RNF103: variants seen among roughly 807,000 people sequenced by gnomAD.
RNF103 encodes ring finger protein 103, also known as E3 ubiquitin-protein ligase RNF103.
RNF103 carries 23 observed loss-of-function variants against 66.2 expected under a neutral mutation model. That is an observed-to-expected ratio of 0.35 (90% confidence interval 0.25 to 0.49). RNF103 has a LOEUF of 0.49. Ranked by LOEUF, RNF103 falls within the 20% of genes least tolerant of loss-of-function variation. RNF103 has a pLI of 0.98. For synonymous variants in RNF103, 297 were observed against 289.9 expected (o/e 1.02, Z -0.25); for missense variants, 730 against 814.7 (o/e 0.90, Z 1.27).
chr2:86,616,750 A>C, intron 2 of RNF103: 1 of 985,416 alleles, frequency 1.0e-6, no homozygotes, highest in Non-Finnish European at 1.2e-6. Context: ...ATTCCATATG[A>C]TGTAACACAG....
At chr2:86,605,629 G>C (rs1371649732) in intron 3 of RNF103, among the ~76,000 whole-genome samples, 1 of 151,802 alleles carries the variant, frequency 6.6e-6, no homozygotes, top group Non-Finnish European at 1.5e-5. Flanking sequence ...TAAATAAAGT[G>C]TATCTTGAAA....
chr2:86,605,163 G>C lies in RNF103; in HGVS notation c.738C>G (p.Pro246=), dbSNP rs1678497518. ...TACTTAGTGCAGAGAAGAAAGCTGG[G>C]GGCTGGTCAAGGTTTGCAAATAGGT... ...KIYLFANLDQ[P]PAFFSALSIK... Residue 246 remains proline, a synonymous_variant, in exon 4 of 4, where the codon CCC becomes CCG. Coordinates refer to ENST00000237455, the MANE Select transcript of RNF103 (RefSeq NM_005667.4). 6.2e-7 allele frequency: 1 copy of C among 1,613,648 alleles called. No homozygotes were observed.
rs770846619 is a variant in RNF103 at position 86,603,960 on chromosome 2, G to A, written c.1941C>T (p.Cys647=). The change falls in exon 4 of 4, where the codon TGC becomes TGT. Residue 647 remains cysteine, a synonymous_variant. Coordinates refer to ENST00000237455, the MANE Select transcript of RNF103 (RefSeq NM_005667.4). ...LPCGHVFHQN[C]IVMWLAGGRH... is the part of the protein sequence containing the mutation. ...GGCCCCCAGCCAACCACATCACAAT[G>A]CAATTCTGATGAAACACATGACCAC... is the stretch of plus-strand genomic sequence containing the variant. 1 of 1,614,054 alleles carries A rather than the reference G, an allele frequency of 6.2e-7. No individual in the cohort carries two copies. Among genetic ancestry groups the A allele is most frequent in the African/African-American group, 1.3e-5 (1 of 74,992 alleles).
intron 3 of RNF103, among the ~76,000 whole-genome samples, chr2:86,606,895 A>G (rs1352127770): frequency 6.6e-6 from 1 of 151,976 alleles, no homozygotes. Context: ...CTCCTGCCTC[A>G]GCCTCCTTGA....
At chr2:86,620,022 A>G (rs186961442) in intron 2 of RNF103, among the ~76,000 whole-genome samples, 1 of 152,338 alleles carries the variant, frequency 6.6e-6, no homozygotes, top group Admixed American at 6.5e-5. Context: ...TCACTAAATA[A>G]AAGGGATATA....
chr2:86,607,918 ATAT>A (rs1480629151), intron 3 of RNF103, among the ~76,000 whole-genome samples: 1 of 151,674 alleles, frequency 6.6e-6, no homozygotes, highest in Non-Finnish European at 1.5e-5. Flanking sequence ...GAAAACAAAC[ATAT>A]TATGTGCTTT....
In RNF103 at chr2:86,623,624, T is replaced by G. The variant is rs1360286328; in HGVS notation, c.-738A>C. 9.2e-7 allele frequency: 1 copy of G among 1,091,326 alleles called. No individual in the cohort carries two copies. The highest frequency in any genetic ancestry group is 1.7e-5 in the African/African-American group (1 of 57,450). 67.6% of individuals were successfully genotyped at this position (1,091,326 alleles called of 1,614,324 possible). On this transcript the variant is annotated 5_prime_UTR_variant, in exon 1 of 4. Transcript: ENST00000237455. ...GCGGGCACTGCGGCCCGGCCCAGGA[T>G]GGGGCGTCGCGGTCTCTGCAGATGG...
At chr2:86,611,099 CCATCCA>C in intron 3 of RNF103, among the ~76,000 whole-genome samples, 1 of 151,766 alleles carries the variant, frequency 6.6e-6, no homozygotes, top group East Asian at 1.9e-4. Flanking sequence ...TCACTTGAGC[CCATCCA>C]TCAGCTGGAG....
intron 2 of RNF103, chr2:86,616,767 G>A (rs1029449199): frequency 1.0e-6 from 1 of 985,376 alleles, no homozygotes. Flanking sequence ...ACAGCCAGTA[G>A]GGAACAAATA....
intron 2 of RNF103, chr2:86,613,704 C>T (rs1558686148): frequency 6.6e-6 from 1 of 152,110 alleles, no homozygotes; most frequent in Non-Finnish European, 1.5e-5. Flanking sequence ...TCATCTGTGG[C>T]CTCTGTGCTA....
intron 3 of RNF103, among the ~76,000 whole-genome samples, chr2:86,609,885 G>A (rs1254555148): frequency 6.6e-6 from 1 of 152,152 alleles, no homozygotes; most frequent in East Asian, 1.9e-4. Context: ...TCAAGATGAT[G>A]ACTCAATTAT....
chr2:86,611,976 T>TA (rs1678814237), intron 3 of RNF103, among the ~76,000 whole-genome samples, 183 bp downstream of exon 3: 1 of 152,028 alleles, frequency 6.6e-6, no homozygotes, highest in African/African-American at 2.4e-5. Flanking sequence ...AGAGAGATCT[T>TA]AGAGTGAAAG....
Position 86,622,881 on chromosome 2 carries a change from C to A in RNF103, c.6G>T (p.Trp2Cys). Residue 2 changes from tryptophan (W) to cysteine (C), a missense_variant, in exon 1 of 4, where the codon TGG becomes TGT. Trp to Cys is a radical substitution (Grantham distance 215). Transcript: ENST00000237455. ...AGAGGAGCAAGAAAAAAAGCTTCAG[C>A]CACATCTTCCCTGGAGTTTCCTCTC... M[W>C]LKLFFLLLYF... The A allele has an allele frequency of 6.3e-7, 1 of 1,599,688 alleles. No individual in the cohort carries two copies. The highest frequency in any genetic ancestry group is 8.5e-7 in the Non-Finnish European group (1 of 1,172,730).
At position 86,622,929 on chromosome 2, in the gene RNF103, G is replaced by C; in HGVS notation, c.-43C>G. 1.3e-6 allele frequency: 2 copies of C among 1,549,102 alleles called. No individual in the cohort carries two copies. The highest frequency in any genetic ancestry group is 1.7e-6 in the Non-Finnish European group (2 of 1,146,346). ...CTCTTTCCAGAGAGCTCGGAATACG[G>C]GAGAGAGAAGGGTCGAGGGCGGGGG... On this transcript the variant is annotated 5_prime_UTR_variant, in exon 1 of 4. Transcript: ENST00000237455.
intron 2 of RNF103, chr2:86,615,323 T>A: frequency 1.4e-6 from 1 of 716,278 alleles, no homozygotes; most frequent in South Asian, 6.3e-5. Context: ...TATAGTTATA[T>A]TTATGCAATT....
At chr2:86,616,453 T>A in intron 2 of RNF103, 3 of 935,422 alleles carry the variant, frequency 3.2e-6, no homozygotes, top group Non-Finnish European at 3.8e-6. Context: ...TTTTTTGTAT[T>A]CTTACATAGA....
intron 2 of RNF103, chr2:86,612,540 A>C: frequency 3.8e-6 from 1 of 260,754 alleles, no homozygotes; most frequent in Non-Finnish European, 7.1e-6. Context: ...ACTGTATTAA[A>C]AGGCTAGCCA....
chr2:86,612,107 A>G (rs1678819167), intron 3 of RNF103, 52 bp downstream of exon 3: 1 of 1,200,932 alleles, frequency 8.3e-7, no homozygotes, highest in Non-Finnish European at 1.2e-6. Flanking sequence ...CTTTTTAAAT[A>G]AGAAAGATCC....
Position 86,623,799 on chromosome 2 carries a change from G to A in RNF103, c.-913C>T, listed in dbSNP as rs1679336062. On this transcript the variant is annotated 5_prime_UTR_variant, in exon 1 of 4. Transcript: ENST00000237455. ...CGTCCCCAACACCCCCGCCACCTCCGGAGACCGCGGCCGTACCCTCCACAA... is the reference window on the plus strand; with the variant it reads ...CGTCCCCAACACCCCCGCCACCTCCAGAGACCGCGGCCGTACCCTCCACAA... The A allele has an allele frequency of 4.7e-6, 6 of 1,282,540 alleles. No individual in the cohort carries two copies. The highest frequency in any genetic ancestry group is 3.1e-5 in the African/African-American group (2 of 64,228). The allele number at this position is 1,282,540 out of a possible 1,614,324, so 79.4% of individuals were successfully genotyped here. A position where few individuals can be genotyped will look rare whatever the true frequency, so the allele number is the denominator to read the frequency against.
Sources: gnomAD v4.1 joint callset for allele counts (sites outside exome capture counted in the v4.1 genomes callset) on GRCh38, gnomAD v4.1.1 for gene constraint, MANE v1.5 for transcripts, NCBI Gene and HGNC (gene_info 2026-07-23, HGNC 2026-07-21) for gene names.